The following LYZL4 variants were observed in gnomAD, a reference collection of about 807,000 sequenced individuals.
LYZL4 encodes lysozyme-like protein 4.
LYZL4 carries 13 observed loss-of-function variants against 17.6 expected under a neutral mutation model. That is an observed-to-expected ratio of 0.74 (90% CI 0.48 to 1.18). The LOEUF is 1.18. LYZL4 is among the 50% of genes most tolerant of loss of function. LYZL4 has a pLI of 0.00. For missense variants in LYZL4, 174 were observed against 188.2 expected, an observed-to-expected ratio of 0.92 and a Z score of 0.44; for synonymous variants, 64 against 67.7, an observed-to-expected ratio of 0.95 and a Z score of 0.27.
intron 4 of LYZL4, among the ~76,000 whole-genome samples, chr3:42,402,315 C>CTTTTTTTTTTT (rs201251667): frequency 5.1e-5 from 7 of 136,962 alleles, no homozygotes; most frequent in Non-Finnish European, 6.2e-5. Context: ...CTTTTCTTTT[C>CTTTTTTTTTTT]TTTCTTTTTT....
chr3:42,368,448 A>G, the LYZL4 span, among the ~76,000 whole-genome samples: 1 of 152,216 alleles, frequency 6.6e-6, no homozygotes, highest in African/African-American at 2.4e-5. Flanking sequence ...ATGCAGGTGT[A>G]TACCACCTTC....
chr3:42,396,062 CA>C (rs907690075), downstream of LYZL4, among the ~76,000 whole-genome samples: 1 of 147,924 alleles, frequency 6.8e-6, no homozygotes, highest in African/African-American at 2.5e-5. Context: ...GACTCTGTCT[CA>C]AAAAAAAGAA....
the LYZL4 span, among the ~76,000 whole-genome samples, chr3:42,389,919 C>T: frequency 2.6e-5 from 4 of 152,138 alleles, no homozygotes; most frequent in African/African-American, 4.8e-5. Context: ...AAAGCTCCGA[C>T]AAAGTTCACG....
At chr3:42,393,287 C>T (rs920141105), downstream of LYZL4, among the ~76,000 whole-genome samples, 7 of 151,996 alleles carry the variant, frequency 4.6e-5, no homozygotes, top group East Asian at 9.7e-4. Context: ...CAGTAAGGGA[C>T]TTGGACAGGC....
chr3:42,390,506 G>A, the LYZL4 span, among the ~76,000 whole-genome samples: 1 of 151,684 alleles, frequency 6.6e-6, no homozygotes, highest in Admixed American at 6.6e-5. Context: ...TGTGGCAGGT[G>A]GATTACACTG....
chr3:42,383,037 C>T, the LYZL4 span, among the ~76,000 whole-genome samples: 6 of 152,194 alleles, frequency 3.9e-5, no homozygotes, highest in South Asian at 1.0e-3. Context: ...CTTTCCACTC[C>T]ACACAACCAG....
the LYZL4 span, among the ~76,000 whole-genome samples, chr3:42,371,075 G>A: frequency 2.0e-5 from 3 of 152,170 alleles, no homozygotes; most frequent in Admixed American, 6.5e-5. Context: ...GCTGAGTCCT[G>A]TGAATCTTCT....
chr3:42,381,826 A>G, the LYZL4 span, among the ~76,000 whole-genome samples: 1 of 152,252 alleles, frequency 6.6e-6, no homozygotes, highest in Non-Finnish European at 1.5e-5. Flanking sequence ...CAAGACACTC[A>G]GTGGGAGAGA....
chr3:42,361,860 C>T, the LYZL4 span, among the ~76,000 whole-genome samples: 211 of 152,340 alleles, frequency 1.4e-3, no homozygotes, highest in African/African-American at 4.9e-3. Context: ...CCACTATCAA[C>T]CTCCCACACC....
At chr3:42,386,407 C>A in the LYZL4 span, among the ~76,000 whole-genome samples, 1,088 of 119,046 alleles carry the variant, frequency 9.1e-3, 85 homozygotes, top group East Asian at 0.063. Flanking sequence ...CCCCCCCCCC[C>A]CCCCCGCCTC....
chr3:42,409,211 C>T (rs1401772223), intron 1 of LYZL4, among the ~76,000 whole-genome samples: 1 of 152,174 alleles, frequency 6.6e-6, no homozygotes, highest in Admixed American at 6.5e-5. Context: ...TCCTCAGTTT[C>T]CTCATCTGTA....
At chr3:42,362,681 G>T in the LYZL4 span, among the ~76,000 whole-genome samples, 1 of 152,120 alleles carries the variant, frequency 6.6e-6, no homozygotes, top group African/African-American at 2.4e-5. Flanking sequence ...ATCTCCCAAA[G>T]GCCCCACCTC....
intron 4 of LYZL4, among the ~76,000 whole-genome samples, chr3:42,403,805 T>C (rs549361391): frequency 6.6e-6 from 1 of 152,306 alleles, no homozygotes; most frequent in East Asian, 1.9e-4. Context: ...CATCCTAGCT[T>C]TCTATATAAC....
Position 42,407,191 on chromosome 3 carries a change from T to C in LYZL4, c.61A>G (p.Ile21Val). ...GYLVVPSGAYILGRCTVAKKL... is the reference protein window; with the variant it reads ...GYLVVPSGAYVLGRCTVAKKL... The stretch of plus-strand genomic sequence containing the variant: ...TTAGCCACTGTGCAACGCCCCAAGA[T>C]GTAAGCACCACTTGGAACCACCAGG... The change falls in exon 2 of 5, where the codon ATC becomes GTC. Residue 21 changes from isoleucine (I) to valine (V), a missense_variant. Ile to Val is a conservative substitution (Grantham distance 29). Coordinates refer to ENST00000287748, the MANE Select transcript of LYZL4 (RefSeq NM_144634.4). 1 of 1,614,134 alleles carries C rather than the reference T, an allele frequency of 6.2e-7. No homozygotes were observed. The highest frequency in any genetic ancestry group is 8.5e-7 in the Non-Finnish European group (1 of 1,180,006).
the LYZL4 span, among the ~76,000 whole-genome samples, chr3:42,391,647 G>A: frequency 2.0e-5 from 3 of 152,058 alleles, no homozygotes; most frequent in African/African-American, 7.2e-5. Context: ...AGAGAAGAGA[G>A]GAAACTTGGA....
chr3:42,368,400 G>A, the LYZL4 span, among the ~76,000 whole-genome samples: 1 of 152,184 alleles, frequency 6.6e-6, no homozygotes, highest in Non-Finnish European at 1.5e-5. Context: ...GTTTCCATGG[G>A]CTGAGAACGT....
In LYZL4 at chr3:42,407,143, C is replaced by A; in HGVS notation, c.109G>T (p.Asp37Tyr). 1.2e-6 allele frequency: 2 copies of A among 1,614,180 alleles called. No homozygotes were observed. Among genetic ancestry groups the A allele is most frequent in the Admixed American group, 1.7e-5 (1 of 60,018 alleles). Reference protein sequence around the residue: ...VAKKLHDGGLDYFEGYSLENW... With the variant: ...VAKKLHDGGLYYFEGYSLENW... ...TCAAGGCTATAGCCCTCAAAATAAT[C>A]CAGGCCTCCATCGTGGAGTTTCTTA... Residue 37 changes from aspartate to tyrosine, a missense_variant, in exon 2 of 5, where the codon GAT (aspartate) becomes TAT (tyrosine). Transcript: ENST00000287748.
At chr3:42,404,184 T>C (rs556270504) in intron 3 of LYZL4, 60 bp from the exon 4 acceptor site, 1 of 1,134,534 alleles carries the variant, frequency 8.8e-7, no homozygotes, top group Admixed American at 1.7e-5. Context: ...GTTAGAGTGA[T>C]GTCAGGGAAG....
At chr3:42,405,102 A>ACTG (rs376074577) in intron 3 of LYZL4, among the ~76,000 whole-genome samples, 17 of 151,846 alleles carry the variant, frequency 1.1e-4, no homozygotes, top group African/African-American at 3.6e-4. Flanking sequence ...AGGCTGGAGT[A>ACTG]CTGTGGCGCG....
Sources: gnomAD v4.1 joint callset for allele counts (sites outside exome capture counted in the v4.1 genomes callset) on GRCh38, gnomAD v4.1.1 for gene constraint, MANE v1.5 for transcripts, NCBI Gene and HGNC (gene_info 2026-07-23, HGNC 2026-07-21) for gene names.